The following LIX1 variants were observed in gnomAD, a reference collection of about 807,000 sequenced individuals.
LIX1 encodes protein limb expression 1 homolog.
A neutral mutation model predicts 33.4 loss-of-function variants in LIX1; 24 were observed. The observed-to-expected ratio is 0.72, with a 90% CI of 0.52 to 1.01. The LOEUF (loss-of-function observed/expected upper bound fraction) is 1.01, where lower values mean the gene tolerates loss of function less well. LIX1 is among the 50% of genes least tolerant of loss of function. LIX1 has a pLI of 0.00. For missense variants in LIX1, 311 were observed against 339.2 expected, an observed-to-expected ratio of 0.92 and a Z score of 0.65; for synonymous variants, 124 against 124.0, an observed-to-expected ratio of 1.00 and a Z score of 0.00.
chr5:97,135,809 ACT>A (rs1748159747), intron 1 of LIX1, among the ~76,000 whole-genome samples: 1 of 152,066 alleles, frequency 6.6e-6, no homozygotes, highest in South Asian at 2.1e-4. Context: ...ACAGAGCGAG[ACT>A]CTGTCTCAAA....
At chr5:97,142,400 G>T in intron 1 of LIX1, 95 bp downstream of exon 1, 1 of 828,204 alleles carries the variant, frequency 1.2e-6, no homozygotes, top group South Asian at 1.5e-5. Context: ...TACGACTGCA[G>T]AGATTTAGGA....
chr5:97,118,831 CTCTCTCTCTCTCTTTCAT>C (rs560255502), intron 2 of LIX1, among the ~76,000 whole-genome samples: 300 of 152,202 alleles, frequency 2.0e-3, no homozygotes, highest in Middle Eastern at 3.4e-3. Flanking sequence ...GCTGCTTTCT[CTCTCTCTCTCTCTTTCAT>C]TCTCTCTCTG....
At chr5:97,130,399 C>T (rs1748029445) in intron 1 of LIX1, among the ~76,000 whole-genome samples, 1 of 152,206 alleles carries the variant, frequency 6.6e-6, no homozygotes, top group Non-Finnish European at 1.5e-5. Context: ...TCCCAGTGGA[C>T]ACTAAAGGGA....
At chr5:97,104,776 C>T (rs760227017) in intron 4 of LIX1, among the ~76,000 whole-genome samples, 2 of 151,804 alleles carry the variant, frequency 1.3e-5, no homozygotes, top group Non-Finnish European at 2.9e-5. Context: ...AAAACCAGAC[C>T]CAAGTAGGGT....
chr5:97,142,115 T>C (rs975174601), intron 1 of LIX1, among the ~76,000 whole-genome samples: 2 of 152,218 alleles, frequency 1.3e-5, no homozygotes, highest in African/African-American at 2.4e-5. Context: ...TGTTGTGGAG[T>C]ATTAAACAGG....
chr5:97,094,148 T>G lies in LIX1; in HGVS notation c.*600A>C, dbSNP rs1186650829. ...TACAAAAACATTTTAAACATTAATTTTATCTAGTATTTTCATACTATTACT... is the reference window on the plus strand; with the variant it reads ...TACAAAAACATTTTAAACATTAATTGTATCTAGTATTTTCATACTATTACT... On this transcript the variant is annotated 3_prime_UTR_variant, in exon 6 of 6. Coordinates refer to ENST00000274382, the MANE Select transcript of LIX1 (RefSeq NM_153234.5). 6 of 152,182 alleles carry G rather than the reference T, an allele frequency of 3.9e-5. No individual in the cohort carries two copies. Among genetic ancestry groups the G allele is most frequent in the Admixed American group, 3.9e-4 (6 of 15,272 alleles). The allele number at this position is 152,182 out of a possible 1,614,324, so 9.4% of individuals were successfully genotyped here. A position where few individuals can be genotyped will look rare whatever the true frequency, so the allele number is the denominator to read the frequency against.
chr5:97,103,914 A>G lies in LIX1; in HGVS notation c.483+1276T>C, dbSNP rs529462034. ...TGGGAGGCAGAGCTTGCAGTGAGCC[A>G]AGATCAGGCCACTGCACTCCAGCCT... On this transcript the variant is annotated intron_variant, in intron 4 of 5. Transcript: ENST00000274382. Among the ~76,000 whole-genome samples, 1,078 of 151,422 alleles carry G rather than the reference A, an allele frequency of 7.1e-3. 13 individuals carry two copies. The highest frequency in any genetic ancestry group is 0.025 in the African/African-American group (1,013 of 41,176).
At chr5:97,105,843 G>T (rs1474782015) in intron 3 of LIX1, among the ~76,000 whole-genome samples, 6 of 151,976 alleles carry the variant, frequency 3.9e-5, no homozygotes, top group African/African-American at 1.4e-4. Context: ...GGGTAGAAAT[G>T]AAATTCCCTT....
rs1747106363 is a variant in LIX1 at position 97,107,375 on chromosome 5, T to G, written c.372A>C (p.Ala124=). ...GGGTACTCACGCTGGTGGAGGCTAC[T>G]GCTTCCTGAACACTTTCCATAATGA... is the stretch of plus-strand genomic sequence containing the variant. ...KEFIMESVQE[A]VASTSGTLDD... The change falls in exon 3 of 6, where the codon GCA becomes GCC. Residue 124 remains alanine (A), a synonymous_variant. Transcript: ENST00000274382. 1.2e-6 allele frequency: 2 copies of G among 1,612,266 alleles called. No individual in the cohort carries two copies. Among genetic ancestry groups the G allele is most frequent in the East Asian group, 4.5e-5 (2 of 44,888 alleles).
intron 2 of LIX1, among the ~76,000 whole-genome samples, chr5:97,121,964 C>A (rs1248340936): frequency 6.6e-6 from 1 of 152,148 alleles, no homozygotes; most frequent in Non-Finnish European, 1.5e-5. Context: ...AATAATGGAC[C>A]TGCAGGCACA....
chr5:97,130,218 G>T (rs901720732), intron 1 of LIX1, among the ~76,000 whole-genome samples: 1 of 152,174 alleles, frequency 6.6e-6, no homozygotes, highest in Non-Finnish European at 1.5e-5. Flanking sequence ...ATTGCTGAGG[G>T]GCTTGGTTTC....
intron 2 of LIX1, among the ~76,000 whole-genome samples, chr5:97,110,534 T>G (rs1747329678): frequency 6.6e-6 from 1 of 152,126 alleles, no homozygotes; most frequent in Non-Finnish European, 1.5e-5. Flanking sequence ...AACCTACGCC[T>G]CCTGGGTTCA....
chr5:97,097,230 T>C (rs1391021965), intron 4 of LIX1, among the ~76,000 whole-genome samples: 1 of 152,170 alleles, frequency 6.6e-6, no homozygotes, highest in Non-Finnish European at 1.5e-5. Context: ...ATAGGCAAGG[T>C]TTTACATTGT....
intron 4 of LIX1, among the ~76,000 whole-genome samples, chr5:97,101,358 G>T (rs1048435679): frequency 6.6e-6 from 1 of 152,146 alleles, no homozygotes; most frequent in Non-Finnish European, 1.5e-5. Flanking sequence ...GGCAAGCCCA[G>T]CTTCATGGGC....
intron 4 of LIX1, chr5:97,101,936 AC>A (rs1271850894): frequency 6.6e-6 from 1 of 152,218 alleles, no homozygotes; most frequent in Admixed American, 6.5e-5. Flanking sequence ...ATGTAAATAA[AC>A]AACTCTTCCT....
intron 1 of LIX1, among the ~76,000 whole-genome samples, chr5:97,127,493 T>C (rs545966148): frequency 1.3e-5 from 2 of 152,146 alleles, no homozygotes; most frequent in Non-Finnish European, 2.9e-5. Context: ...CAATCCATCT[T>C]TCTATCTCTA....
chr5:97,116,571 G>C (rs1033527314), intron 2 of LIX1, among the ~76,000 whole-genome samples: 2 of 152,192 alleles, frequency 1.3e-5, no homozygotes, highest in South Asian at 4.2e-4. Context: ...CCTTCTCCTC[G>C]TTTACCTCTG....
At chr5:97,117,001 T>C (rs1304845528) in intron 2 of LIX1, among the ~76,000 whole-genome samples, 1 of 152,224 alleles carries the variant, frequency 6.6e-6, no homozygotes, top group African/African-American at 2.4e-5. Context: ...TCTATTCACT[T>C]TGTTTAATAA....
intron 3 of LIX1, among the ~76,000 whole-genome samples, chr5:97,106,494 C>T (rs753912513): frequency 6.6e-6 from 1 of 152,214 alleles, no homozygotes; most frequent in Non-Finnish European, 1.5e-5. Flanking sequence ...TTAAGGGAAA[C>T]AGAGAAGGAA....
Sources: gnomAD v4.1 joint callset for allele counts (sites outside exome capture counted in the v4.1 genomes callset) on GRCh38, gnomAD v4.1.1 for gene constraint, MANE v1.5 for transcripts, NCBI Gene and HGNC (gene_info 2026-07-23, HGNC 2026-07-21) for gene names.